Variants in ROBO1 observed in about 807,000 individuals in gnomAD.
ROBO1 encodes the protein roundabout homolog 1.
In ROBO1, 149 loss-of-function variants were observed where a neutral mutation model predicts 195.9. The observed-to-expected ratio is 0.76, with a 90% confidence interval of 0.67 to 0.87. ROBO1 has a LOEUF of 0.87. ROBO1 is among the 40% of genes least tolerant of loss of function. ROBO1 has a pLI of 0.00. For missense variants in ROBO1, 1,933 were observed against 2,068.3 expected (o/e 0.93, Z 1.27); for synonymous variants, 816 against 733.2 (o/e 1.11, Z -1.82).
rs1938118011 is a variant in ROBO1, at chr3:79,468,953, G to C, written c.88+120871C>G. Among the ~76,000 whole-genome samples the C allele has an allele frequency of 2.0e-5, 3 of 152,088 alleles. No individual in the cohort carries two copies. The South Asian group carries it at 6.2e-4, about 32-fold the overall frequency. ...TTTTCCTTTGTATCATAGAAGTGTTGTGAAGACTAAATGAGATTATGCATG... is the reference window on the plus strand; with the variant it reads ...TTTTCCTTTGTATCATAGAAGTGTTCTGAAGACTAAATGAGATTATGCATG... On this transcript the variant is annotated intron_variant, in intron 2 of 30. Transcript: ENST00000464233.
chr3:79,485,886 A>G (rs1939133894), intron 2 of ROBO1, among the ~76,000 whole-genome samples: 1 of 152,114 alleles, frequency 6.6e-6, no homozygotes, highest in South Asian at 2.1e-4. Flanking sequence ...TTTGGAAGTC[A>G]TTTTCAGTCT....
intron 2 of ROBO1, among the ~76,000 whole-genome samples, chr3:79,169,162 G>A (rs1412650542): frequency 6.6e-6 from 1 of 152,054 alleles, no homozygotes; most frequent in African/African-American, 2.4e-5. Flanking sequence ...TTGATGACTG[G>A]GATCTCTTCA....
intron 4 of ROBO1, among the ~76,000 whole-genome samples, chr3:78,922,040 G>A (rs972489934): frequency 1.3e-5 from 2 of 151,670 alleles, no homozygotes; most frequent in Non-Finnish European, 2.9e-5. Flanking sequence ...TGCCCACCTC[G>A]GCCTCCCAAA....
At chr3:79,229,747 G>A (rs754849462) in intron 2 of ROBO1, among the ~76,000 whole-genome samples, 2 of 151,962 alleles carry the variant, frequency 1.3e-5, no homozygotes, top group Non-Finnish European at 2.9e-5. Context: ...GTTATTTTGT[G>A]ACATGATAAA....
chr3:79,184,880 A>T (rs2081409921), intron 2 of ROBO1, among the ~76,000 whole-genome samples: 1 of 152,154 alleles, frequency 6.6e-6, no homozygotes. Flanking sequence ...CACAACCCAC[A>T]GCATCTCTCA....
intron 1 of ROBO1, among the ~76,000 whole-genome samples, chr3:79,762,062 G>A (rs1178917517): frequency 6.6e-6 from 1 of 152,142 alleles, no homozygotes; most frequent in African/African-American, 2.4e-5. Context: ...ACAGAATTTA[G>A]AGTCTGTCTT....
intron 5 of ROBO1, among the ~76,000 whole-genome samples, chr3:78,729,417 C>A (rs1479469588): frequency 6.6e-6 from 1 of 152,210 alleles, no homozygotes; most frequent in Non-Finnish European, 1.5e-5. Context: ...AGAAGTAACA[C>A]AGCCCTCTTT....
intron 23 of ROBO1, among the ~76,000 whole-genome samples, chr3:78,635,211 T>C (rs1230601635): frequency 6.6e-6 from 1 of 152,208 alleles, no homozygotes; most frequent in African/African-American, 2.4e-5. Flanking sequence ...TTTTAGGTTC[T>C]ATACGGACAG....
At chr3:78,858,619 G>C (rs942098824) in intron 4 of ROBO1, among the ~76,000 whole-genome samples, 2 of 150,240 alleles carry the variant, frequency 1.3e-5, no homozygotes, top group African/African-American at 4.9e-5. Flanking sequence ...GCATGGTAGC[G>C]CAGGCTTGTA....
chr3:79,437,450 G>A (rs1324285966), intron 2 of ROBO1, among the ~76,000 whole-genome samples: 1 of 151,560 alleles, frequency 6.6e-6, no homozygotes, highest in Non-Finnish European at 1.5e-5. Context: ...ACTCTTTTTT[G>A]AAATTTATAA....
chr3:79,586,542 C>G (rs1943835204), intron 2 of ROBO1, among the ~76,000 whole-genome samples: 1 of 151,926 alleles, frequency 6.6e-6, no homozygotes, highest in Non-Finnish European at 1.5e-5. Flanking sequence ...TCATGCTTAA[C>G]TTTAAAGTGT....
intron 2 of ROBO1, among the ~76,000 whole-genome samples, chr3:79,243,774 A>G (rs2082569228): frequency 2.0e-5 from 3 of 151,936 alleles, no homozygotes; most frequent in South Asian, 2.1e-4. Context: ...CTCCCATTCT[A>G]TAGGTTGCCT....
At chr3:79,583,589 A>C (rs1943725986) in intron 2 of ROBO1, among the ~76,000 whole-genome samples, 1 of 151,962 alleles carries the variant, frequency 6.6e-6, no homozygotes, top group South Asian at 2.1e-4. Context: ...AAAGATCTTG[A>C]ATCTTTCTTG....
intron 3 of ROBO1, among the ~76,000 whole-genome samples, chr3:78,962,695 G>T (rs898890178): frequency 1.7e-4 from 26 of 151,732 alleles, no homozygotes; most frequent in Non-Finnish European, 3.4e-4. Context: ...CGTGGTGGCG[G>T]CGCCTGTAGT....
At chr3:79,399,072 G>A (rs529184615) in intron 2 of ROBO1, among the ~76,000 whole-genome samples, 8 of 152,164 alleles carry the variant, frequency 5.3e-5, no homozygotes, top group South Asian at 2.1e-4. Flanking sequence ...AGTCCTGTCC[G>A]GCATGCATAG....
At chr3:79,422,833 C>A (rs1345635993) in intron 2 of ROBO1, among the ~76,000 whole-genome samples, 1 of 152,112 alleles carries the variant, frequency 6.6e-6, no homozygotes. Flanking sequence ...TTTATCTTTG[C>A]TCATTTTTAT....
chr3:79,573,513 C>T (rs955512130), intron 2 of ROBO1, among the ~76,000 whole-genome samples: 1 of 152,122 alleles, frequency 6.6e-6, no homozygotes, highest in African/African-American at 2.4e-5. Flanking sequence ...AGTTTGCTTA[C>T]AAAATTTATC....
intron 4 of ROBO1, among the ~76,000 whole-genome samples, chr3:78,817,430 A>AT (rs2030186873): frequency 6.6e-6 from 1 of 152,158 alleles, no homozygotes; most frequent in African/African-American, 2.4e-5. Flanking sequence ...TACAAAAAAA[A>AT]ATTCATCTGA....
chr3:78,701,416 C>T (rs1281512105), intron 8 of ROBO1, among the ~76,000 whole-genome samples: 3 of 152,178 alleles, frequency 2.0e-5, no homozygotes, highest in Admixed American at 6.6e-5. Context: ...TTTTAGAACA[C>T]TCACTGTAAA....
Sources: allele counts gnomAD v4.1 joint callset (sites outside exome capture counted in the v4.1 genomes callset), GRCh38; gene constraint gnomAD v4.1.1; transcripts MANE v1.5; gene names NCBI Gene and HGNC (gene_info 2026-07-23, HGNC 2026-07-21).